Variants in FANCB observed in about 807,000 individuals in gnomAD.
FANCB encodes the protein FA complementation group B.
In FANCB, 5 loss-of-function variants were observed where a neutral mutation model predicts 38.9. That is an observed-to-expected ratio of 0.13 (90% CI 0.07 to 0.27). The LOEUF is 0.27. Among genes scored for constraint, FANCB ranks in the 10% least tolerant of loss-of-function variants. The pLI, the probability that FANCB is intolerant of heterozygous loss-of-function variation, is 1.00. For synonymous variants in FANCB, 236 were observed against 215.4 expected, an observed-to-expected ratio of 1.10 and a Z score of -0.84; for missense variants, 573 against 602.7, an observed-to-expected ratio of 0.95 and a Z score of 0.52.
the FANCB span, among the ~76,000 whole-genome samples, chrX:14,810,019 G>A: frequency 8.9e-6 from 1 of 111,998 alleles, no homozygotes; most frequent in Non-Finnish European, 1.9e-5. Context: ...AGCATTCGTG[G>A]TTCTGCAGCC....
the FANCB span, among the ~76,000 whole-genome samples, chrX:14,719,633 A>G: frequency 4.5e-5 from 5 of 112,205 alleles, no homozygotes; most frequent in African/African-American, 1.6e-4. Flanking sequence ...GCCATTATGG[A>G]AAACAGTATA....
the FANCB span, among the ~76,000 whole-genome samples, chrX:14,750,372 T>G: frequency 8.9e-6 from 1 of 112,081 alleles, no homozygotes; most frequent in Non-Finnish European, 1.9e-5. Flanking sequence ...AAGCAGTGAT[T>G]TGGGATCCAG....
the FANCB span, among the ~76,000 whole-genome samples, chrX:14,732,107 T>C: frequency 9.1e-6 from 1 of 110,130 alleles, no homozygotes; most frequent in Admixed American, 9.8e-5. Flanking sequence ...ATTGTTCGAC[T>C]CCCACTTATG....
At chrX:14,701,233 A>G in the FANCB span, among the ~76,000 whole-genome samples, 3 of 111,099 alleles carry the variant, frequency 2.7e-5, no homozygotes, top group Non-Finnish European at 5.7e-5. Context: ...CTTAGGGTCC[A>G]TCGGACGTAG....
At chrX:14,813,421 C>T in the FANCB span, among the ~76,000 whole-genome samples, 14 of 111,399 alleles carry the variant, frequency 1.3e-4, no homozygotes, top group Middle Eastern at 9.4e-3. Context: ...AAAACCCCAT[C>T]GTCTCAGCCC....
intron 2 of FANCB, among the ~76,000 whole-genome samples, chrX:14,868,125 A>G (rs1467885489): frequency 3.6e-5 from 4 of 111,856 alleles, no homozygotes; most frequent in Non-Finnish European, 7.5e-5. Flanking sequence ...GTAAATTAGT[A>G]TAGCCACTAT....
At chrX:14,855,291 G>A (rs1159632273) in intron 5 of FANCB, among the ~76,000 whole-genome samples, 1 of 112,092 alleles carries the variant, frequency 8.9e-6, no homozygotes, top group Non-Finnish European at 1.9e-5. Flanking sequence ...TAACCTTTCT[G>A]GCTATTTGTT....
At chrX:14,697,594 A>G in the FANCB span, among the ~76,000 whole-genome samples, 6 of 111,699 alleles carry the variant, frequency 5.4e-5, no homozygotes, top group African/African-American at 2.0e-4. Flanking sequence ...ATGAAGTGCA[A>G]TTGGACACCA....
the FANCB span, among the ~76,000 whole-genome samples, chrX:14,784,301 T>C: frequency 8.9e-6 from 1 of 112,585 alleles, no homozygotes; most frequent in East Asian, 2.8e-4. Flanking sequence ...AGTCAAGGTG[T>C]TGGCAGGGCA....
the FANCB span, among the ~76,000 whole-genome samples, chrX:14,715,860 A>G: frequency 8.0e-5 from 9 of 111,888 alleles, no homozygotes; most frequent in African/African-American, 2.6e-4. Context: ...TAAGTCTTGA[A>G]ATGGAAGCAA....
At chrX:14,838,878 G>A (rs1450600940), downstream of FANCB, among the ~76,000 whole-genome samples, 2 of 112,188 alleles carry the variant, frequency 1.8e-5, no homozygotes, top group African/African-American at 6.5e-5. Context: ...ACAGTCCCAT[G>A]ACATTAAATC....
At chrX:14,732,046 C>A in the FANCB span, among the ~76,000 whole-genome samples, 15 of 110,117 alleles carry the variant, frequency 1.4e-4, no homozygotes, top group Admixed American at 2.9e-4. Context: ...CCCCGACCCC[C>A]CCGACAGGCC....
At chrX:14,847,014 T>G (rs1246143031) in intron 7 of FANCB, among the ~76,000 whole-genome samples, 1 of 110,348 alleles carries the variant, frequency 9.1e-6, no homozygotes, top group African/African-American at 3.3e-5. Context: ...ATTATATAAG[T>G]TCTTATTTTT....
the FANCB span, among the ~76,000 whole-genome samples, chrX:14,732,899 A>T: frequency 8.9e-6 from 1 of 111,816 alleles, no homozygotes; most frequent in Non-Finnish European, 1.9e-5. Flanking sequence ...CCCGTTTGTC[A>T]ATTTTGGCTT....
intron 2 of FANCB, among the ~76,000 whole-genome samples, chrX:14,866,991 C>T (rs1360964250): frequency 1.8e-5 from 2 of 108,233 alleles, no homozygotes; most frequent in African/African-American, 6.7e-5. Context: ...ACAAAAGCTA[C>T]AAAAAAAAAT....
At chrX:14,739,131 G>GT in the FANCB span, among the ~76,000 whole-genome samples, 1 of 111,577 alleles carries the variant, frequency 9.0e-6, no homozygotes, top group East Asian at 2.8e-4. Context: ...CCAATTTAGG[G>GT]TTTTTTAAGT....
At chrX:14,752,056 T>C in the FANCB span, among the ~76,000 whole-genome samples, 1 of 111,766 alleles carries the variant, frequency 8.9e-6, no homozygotes, top group East Asian at 2.8e-4. Context: ...GTCATTTTGG[T>C]ATGCTGGGGG....
At chrX:14,728,807 G>A in the FANCB span, among the ~76,000 whole-genome samples, 2 of 112,539 alleles carry the variant, frequency 1.8e-5, no homozygotes, top group African/African-American at 6.4e-5. Flanking sequence ...AAGCAAATCT[G>A]TTCTGCCTTG....
At chrX:14,695,112 T>A in the FANCB span, among the ~76,000 whole-genome samples, 2 of 111,052 alleles carry the variant, frequency 1.8e-5, no homozygotes, top group African/African-American at 3.3e-5. Context: ...CAGATACTGT[T>A]TTAAATCCAC....
Sources: allele counts gnomAD v4.1 joint callset (sites outside exome capture counted in the v4.1 genomes callset), GRCh38; gene constraint gnomAD v4.1.1; transcripts MANE v1.5; gene names NCBI Gene and HGNC (gene_info 2026-07-23, HGNC 2026-07-21).